The following TSACC variants were observed in gnomAD, a reference collection of about 807,000 sequenced individuals.
TSACC encodes the protein TSSK6-activating co-chaperone protein.
In TSACC, 3 loss-of-function variants were observed where a neutral mutation model predicts 6.9. The observed-to-expected ratio is 0.43, with a 90% CI of 0.20 to 1.12. TSACC has a LOEUF of 1.12. Among genes scored for constraint, TSACC ranks in the 50% most tolerant of loss-of-function variants. TSACC has a pLI of 0.28. For missense variants in TSACC, 137 were observed against 143.9 expected (o/e 0.95, Z 0.24); for synonymous variants, 54 against 55.1 (o/e 0.98, Z 0.09).
intron 2 of TSACC, among the ~76,000 whole-genome samples, chr1:156,343,883 A>G (rs1184600634): frequency 6.6e-6 from 1 of 151,938 alleles, no homozygotes; most frequent in African/African-American, 2.4e-5. Flanking sequence ...TGGGACTACA[A>G]GCGTCTGCCA....
chr1:156,339,934 G>C, intron 2 of TSACC, 143 bp downstream of exon 2: 2 of 831,342 alleles, frequency 2.4e-6, no homozygotes, highest in Non-Finnish European at 3.8e-6. Context: ...TTTGTTAAAT[G>C]AATTTATTAT....
At chr1:156,343,269 A>G (rs1430326511) in intron 2 of TSACC, among the ~76,000 whole-genome samples, 1 of 152,218 alleles carries the variant, frequency 6.6e-6, no homozygotes, top group African/African-American at 2.4e-5. Flanking sequence ...AAAAAAGGCA[A>G]TTCAGGGACT....
At chr1:156,338,202 C>T (rs574222793), upstream of TSACC, 111 of 1,584,520 alleles carry the variant, frequency 7.0e-5, no homozygotes, top group Non-Finnish European at 9.2e-5. Context: ...CGATGCAGAG[C>T]CGGGTACCCA....
Position 156,346,982 on chromosome 1 carries a change from A to C in TSACC, c.378A>C (p.Ter126CysextTer?), listed in dbSNP as rs757652133. The part of the protein sequence containing the change: ...LLNHLPQFSK[*>C] ...ATCACCTGCCCCAATTCAGTAAATG[A>C]ATTGTGGAACAAAGTTATTGTGTTG... The change falls in exon 4 of 4, where the codon TGA (stop) becomes TGC (cysteine). Residue 126 changes from the stop codon to cysteine, a stop_lost. Coordinates refer to ENST00000368254, the MANE Select transcript of TSACC (RefSeq NM_001304817.2). The C allele has an allele frequency of 2.5e-6, 4 of 1,612,984 alleles. No individual in the cohort carries two copies. The highest frequency in any genetic ancestry group is 4.5e-5 in the East Asian group (2 of 44,888).
At chr1:156,339,343 CTTAG>C (rs1235718419) in intron 1 of TSACC, among the ~76,000 whole-genome samples, 5 of 151,742 alleles carry the variant, frequency 3.3e-5, no homozygotes, top group Middle Eastern at 3.5e-3. Flanking sequence ...TGTCCTGAGT[CTTAG>C]TTAGAGATGA....
At chr1:156,339,894 A>G in intron 2 of TSACC, 103 bp downstream of exon 2, 1 of 1,217,308 alleles carries the variant, frequency 8.2e-7, no homozygotes, top group Non-Finnish European at 1.2e-6. Context: ...CTAGAACTGG[A>G]TCTGTTAAAT....
chr1:156,342,062 C>CAA (rs554820517), intron 2 of TSACC, among the ~76,000 whole-genome samples: 6 of 57,256 alleles, frequency 1.0e-4, no homozygotes, highest in Admixed American at 1.8e-4. Flanking sequence ...ACTCCGTCTC[C>CAA]AAAAAAAAAA....
intron 1 of TSACC, among the ~76,000 whole-genome samples, chr1:156,339,255 T>G (rs1665669708): frequency 1.5e-5 from 2 of 136,676 alleles, no homozygotes; most frequent in South Asian, 5.2e-4. Context: ...AGAGCGAGAC[T>G]CCATCTCAAA....
chr1:156,340,458 CT>C lies in TSACC; in HGVS notation c.34+687del, dbSNP rs1294722828. 6.8e-3 allele frequency among the ~76,000 whole-genome samples: 762 copies of C among 111,774 alleles called. 4 individuals carry two copies. The highest frequency in any genetic ancestry group is 0.019 in the African/African-American group (571 of 30,834). The allele number at this position is 111,774 out of a possible 152,430, so 73.3% of individuals were successfully genotyped here. ...ACAGGTGTGAGCTACCGCCCCCGGCCTTTTTTTTTTTTTTTTTTTTGAGATA... is the reference window on the plus strand; with the variant it reads ...ACAGGTGTGAGCTACCGCCCCCGGCCTTTTTTTTTTTTTTTTTTTGAGATA... On this transcript the variant is annotated intron_variant, in intron 2 of 3. Coordinates refer to ENST00000368254, the MANE Select transcript of TSACC (RefSeq NM_001304817.2).
chr1:156,339,580 A>G, intron 1 of TSACC, 54 bp from the exon 2 acceptor site: 1 of 685,032 alleles, frequency 1.5e-6, no homozygotes, highest in South Asian at 2.0e-5. Flanking sequence ...CAACAGTTCA[A>G]GAACAGTCAC....
At chr1:156,346,334 G>A (rs1666176106) in intron 3 of TSACC, among the ~76,000 whole-genome samples, 2 of 152,100 alleles carry the variant, frequency 1.3e-5, no homozygotes, top group African/African-American at 4.8e-5. Context: ...CTGAGCTCTA[G>A]GGAAGGTAGG....
intron 3 of TSACC, among the ~76,000 whole-genome samples, chr1:156,345,823 T>A (rs1459265497): frequency 6.7e-6 from 1 of 148,576 alleles, no homozygotes; most frequent in Non-Finnish European, 1.5e-5. Context: ...GCCAGGATTG[T>A]GCCGCTGCAC....
At chr1:156,338,404 C>A (rs548488652), upstream of TSACC, 22 of 588,110 alleles carry the variant, frequency 3.7e-5, no homozygotes, top group Non-Finnish European at 6.4e-5. Flanking sequence ...CAAGAACGGC[C>A]AGACAAGTTA....
At chr1:156,338,813 C>G (rs1199645045) in intron 1 of TSACC, 1 of 154,034 alleles carries the variant, frequency 6.5e-6, no homozygotes, top group Non-Finnish European at 1.4e-5. Context: ...ACTGCGCAGC[C>G]TTTTTCCGGG....
chr1:156,340,222 C>T (rs1665787562), intron 2 of TSACC, among the ~76,000 whole-genome samples: 1 of 152,164 alleles, frequency 6.6e-6, no homozygotes, highest in Non-Finnish European at 1.5e-5. Context: ...GCAGAGGCAC[C>T]ATCTCTGCTC....
At chr1:156,337,883 A>AG (rs1665509992), upstream of TSACC, 2 of 526,020 alleles carry the variant, frequency 3.8e-6, no homozygotes, top group African/African-American at 3.9e-5. Flanking sequence ...GTGGGGGCTG[A>AG]GGGACAGAAC....
chr1:156,346,193 CAAAAAAAAAA>C (rs60688957), intron 3 of TSACC, among the ~76,000 whole-genome samples: 2 of 53,604 alleles, frequency 3.7e-5, no homozygotes, highest in Admixed American at 4.0e-4. Flanking sequence ...ACTCCGTCTC[CAAAAAAAAAA>C]AAAAAAAAGA....
upstream of TSACC, chr1:156,338,038 G>A: frequency 8.8e-7 from 1 of 1,141,386 alleles, no homozygotes; most frequent in South Asian, 1.3e-5. Flanking sequence ...AAATGAAGAC[G>A]ATGATTGGAA....
intron 2 of TSACC, among the ~76,000 whole-genome samples, chr1:156,344,070 T>A (rs1424616100): frequency 2.0e-5 from 3 of 152,206 alleles, no homozygotes; most frequent in Admixed American, 6.5e-5. Flanking sequence ...TCAGTAAATA[T>A]CCTCTACCTG....
Sources: gnomAD v4.1 joint callset for allele counts (sites outside exome capture counted in the v4.1 genomes callset) on GRCh38, gnomAD v4.1.1 for gene constraint, MANE v1.5 for transcripts, NCBI Gene and HGNC (gene_info 2026-07-23, HGNC 2026-07-21) for gene names.